Variants in ZDHHC15 observed in about 807,000 individuals in gnomAD.
ZDHHC15 encodes zDHHC palmitoyltransferase 15, also known as palmitoyltransferase ZDHHC15.
A neutral mutation model predicts 31.7 loss-of-function variants in ZDHHC15; 19 were observed. The observed-to-expected ratio is 0.60, with a 90% CI of 0.42 to 0.88. ZDHHC15 has a LOEUF of 0.88. Ranked by LOEUF, ZDHHC15 falls within the 40% of genes least tolerant of loss-of-function variation. The probability of loss-of-function intolerance (pLI) is 0.00; values close to 1 mark genes in which losing one functional copy is unlikely to be tolerated. For missense variants in ZDHHC15, 209 were observed against 251.2 expected (o/e 0.83, Z 1.14); for synonymous variants, 103 against 90.0 (o/e 1.14, Z -0.82).
At chrX:75,376,959 CT>C (rs2083066326) in intron 11 of ZDHHC15, among the ~76,000 whole-genome samples, 1 of 110,501 alleles carries the variant, frequency 9.0e-6, no homozygotes, top group African/African-American at 3.3e-5. Flanking sequence ...TTCTTTCATC[CT>C]TTTTTATTTA....
intron 10 of ZDHHC15, among the ~76,000 whole-genome samples, chrX:75,385,979 A>G (rs899762435): frequency 9.0e-6 from 1 of 111,659 alleles, no homozygotes; most frequent in Non-Finnish European, 1.9e-5. Flanking sequence ...TTGCCTGAAC[A>G]CCCCTTCTGG....
intron 10 of ZDHHC15, among the ~76,000 whole-genome samples, chrX:75,388,205 T>C (rs1031101740): frequency 1.7e-4 from 19 of 112,392 alleles, no homozygotes; most frequent in African/African-American, 5.8e-4. Flanking sequence ...AGCTCTTCAA[T>C]TTGAAAGAAT....
At chrX:75,439,713 G>A (rs1019571190) in intron 4 of ZDHHC15, among the ~76,000 whole-genome samples, 6 of 111,823 alleles carry the variant, frequency 5.4e-5, no homozygotes, top group South Asian at 3.7e-4. Context: ...GTGACCTAAT[G>A]TGGTCTTTGG....
chrX:75,515,403 T>G (rs1288206048), intron 1 of ZDHHC15, among the ~76,000 whole-genome samples: 1 of 111,296 alleles, frequency 9.0e-6, no homozygotes, highest in East Asian at 2.8e-4. Flanking sequence ...GTTGGCTTCA[T>G]CCCTGGGATG....
At chrX:75,484,764 A>G (rs777777590) in intron 2 of ZDHHC15, among the ~76,000 whole-genome samples, 1 of 112,190 alleles carries the variant, frequency 8.9e-6, no homozygotes, top group Non-Finnish European at 1.9e-5. Context: ...AGGCTTATAC[A>G]TATATATTCT....
intron 2 of ZDHHC15, among the ~76,000 whole-genome samples, chrX:75,491,666 C>A (rs748433921): frequency 9.1e-5 from 10 of 110,411 alleles, no homozygotes; most frequent in African/African-American, 3.0e-4. Flanking sequence ...AATTTTCAAC[C>A]CAGAATTTCA....
At chrX:75,386,968 A>G (rs1004878194) in intron 10 of ZDHHC15, among the ~76,000 whole-genome samples, 12 of 111,461 alleles carry the variant, frequency 1.1e-4, no homozygotes, top group African/African-American at 3.9e-4. Context: ...CCTTACTAGG[A>G]AATAAAGGAA....
At chrX:75,441,790 A>AT (rs1245423705) in intron 4 of ZDHHC15, among the ~76,000 whole-genome samples, 21 of 109,040 alleles carry the variant, frequency 1.9e-4, no homozygotes, top group Non-Finnish European at 3.4e-4. Context: ...CGCACGGCTA[A>AT]TTTTTTGTAT....
intron 2 of ZDHHC15, among the ~76,000 whole-genome samples, chrX:75,484,425 T>A (rs1251187246): frequency 1.8e-5 from 2 of 112,031 alleles, no homozygotes; most frequent in Non-Finnish European, 3.8e-5. Flanking sequence ...TTAGAAGATA[T>A]ACAGATGGCA....
intron 11 of ZDHHC15, among the ~76,000 whole-genome samples, chrX:75,374,984 G>A (rs749893965): frequency 9.0e-6 from 1 of 111,008 alleles, no homozygotes; most frequent in African/African-American, 3.3e-5. Flanking sequence ...TTGCAGCGAT[G>A]GTTTCACAGA....
intron 2 of ZDHHC15, among the ~76,000 whole-genome samples, chrX:75,480,232 A>C (rs984822071): frequency 1.8e-5 from 2 of 111,428 alleles, no homozygotes; most frequent in African/African-American, 6.5e-5. Context: ...GATTTTTGTA[A>C]CTATGAAATC....
At chrX:75,435,169 A>C (rs2083833232) in intron 4 of ZDHHC15, among the ~76,000 whole-genome samples, 1 of 111,910 alleles carries the variant, frequency 8.9e-6, no homozygotes, top group African/African-American at 3.2e-5. Context: ...TAGCACTGCT[A>C]CTGATTTGTA....
At chrX:75,520,704 G>T in intron 1 of ZDHHC15, among the ~76,000 whole-genome samples, 1 of 110,872 alleles carries the variant, frequency 9.0e-6, no homozygotes, top group East Asian at 2.8e-4. Context: ...AAGCTTCCCA[G>T]TCATTGCATA....
intron 2 of ZDHHC15, among the ~76,000 whole-genome samples, chrX:75,491,224 C>T (rs28803856): frequency 0.081 from 8,914 of 110,082 alleles, 553 homozygotes; most frequent in African/African-American, 0.21. Context: ...TTGGAACCAA[C>T]CCAAATGTCC....
chrX:75,455,946 G>A (rs1180058166), intron 3 of ZDHHC15, among the ~76,000 whole-genome samples: 6 of 111,299 alleles, frequency 5.4e-5, no homozygotes, highest in Middle Eastern at 4.6e-3. Context: ...ACAGTGTAGC[G>A]ATTCCTCAAG....
chrX:75,480,040 C>T (rs1010566752), intron 2 of ZDHHC15, among the ~76,000 whole-genome samples: 1 of 110,989 alleles, frequency 9.0e-6, no homozygotes, highest in African/African-American at 3.3e-5. Flanking sequence ...GACTGTGAGT[C>T]CTTAAATGGT....
intron 10 of ZDHHC15, among the ~76,000 whole-genome samples, chrX:75,395,814 G>A (rs143861888): frequency 8.3e-4 from 93 of 111,718 alleles, no homozygotes; most frequent in African/African-American, 2.8e-3. Context: ...CATAAAAAGA[G>A]ACACATAGAC....
intron 3 of ZDHHC15, among the ~76,000 whole-genome samples, chrX:75,466,572 A>T (rs1283652266): frequency 1.8e-5 from 2 of 111,622 alleles, no homozygotes; most frequent in East Asian, 5.6e-4. Context: ...AAATAAATAA[A>T]TAAATAAAGA....
intron 2 of ZDHHC15, among the ~76,000 whole-genome samples, chrX:75,498,253 A>T (rs2085037624): frequency 9.0e-6 from 1 of 110,705 alleles, no homozygotes; most frequent in Non-Finnish European, 1.9e-5. Flanking sequence ...ACCACTTATA[A>T]TCAACATAGG....
Sources: gnomAD v4.1 joint callset for allele counts (sites outside exome capture counted in the v4.1 genomes callset) on GRCh38, gnomAD v4.1.1 for gene constraint, MANE v1.5 for transcripts, NCBI Gene and HGNC (gene_info 2026-07-23, HGNC 2026-07-21) for gene names.